NCAM2: variants seen among roughly 807,000 people sequenced by gnomAD.
NCAM2 encodes N-CAM-2.
A neutral mutation model predicts 98.1 loss-of-function variants in NCAM2; 30 were observed. The ratio of observed to expected loss-of-function variants is 0.31; its 90% CI spans 0.23 to 0.41. The LOEUF (loss-of-function observed/expected upper bound fraction) is 0.41, where lower values mean the gene tolerates loss of function less well. Ranked by LOEUF, NCAM2 falls within the 10% of genes least tolerant of loss-of-function variation. The pLI, the probability that NCAM2 is intolerant of heterozygous loss-of-function variation, is 1.00. For missense variants in NCAM2, 867 were observed against 1,005.8 expected, an observed-to-expected ratio of 0.86 and a Z score of 1.87; for synonymous variants, 368 against 342.4, an observed-to-expected ratio of 1.07 and a Z score of -0.83.
chr21:21,156,148 T>A (rs2067604254), intron 1 of NCAM2, among the ~76,000 whole-genome samples: 2 of 152,024 alleles, frequency 1.3e-5, no homozygotes, highest in African/African-American at 4.8e-5. Context: ...TACAAGAATG[T>A]CAAAATAAAA....
intron 8 of NCAM2, among the ~76,000 whole-genome samples, chr21:21,350,335 G>A (rs2147935919): frequency 6.6e-6 from 1 of 152,200 alleles, no homozygotes; most frequent in East Asian, 1.9e-4. Context: ...ATGGGTTAAA[G>A]TTTTAATAAC....
At chr21:21,331,517 C>CTCTCTCTATATATATATATA (rs1483062198) in intron 6 of NCAM2, among the ~76,000 whole-genome samples, 1 of 6,938 alleles carries the variant, frequency 1.4e-4, no homozygotes, top group African/African-American at 5.5e-4. Flanking sequence ...CTCTCTCTCT[C>CTCTCTCTATATATATATATA]TATATATATA....
intron 8 of NCAM2, among the ~76,000 whole-genome samples, chr21:21,361,484 C>T (rs530688564): frequency 5.9e-5 from 9 of 152,102 alleles, no homozygotes; most frequent in African/African-American, 1.9e-4. Flanking sequence ...ATGCTGTTCA[C>T]TTCCTCAATC....
At chr21:21,244,069 A>G (rs1170679820) in intron 1 of NCAM2, among the ~76,000 whole-genome samples, 2 of 152,176 alleles carry the variant, frequency 1.3e-5, no homozygotes, top group Non-Finnish European at 2.9e-5. Flanking sequence ...GGTGATATCC[A>G]TTGGTCCAGT....
rs555452930 is a variant in NCAM2 at position 21,167,035 on chromosome 21, A to G, written c.56-113543A>G. 9.2e-5 allele frequency among the ~76,000 whole-genome samples: 14 copies of G among 152,262 alleles called. No individual in the cohort carries two copies. The South Asian group carries it at 2.1e-3, about 23-fold the overall frequency. ...TATTGCTTTATCTCCAAATTATGCT[A>G]TTAGTTTTGTTGTTTTATGTCCCTT... On this transcript the variant is annotated intron_variant, in intron 1 of 17. Coordinates refer to ENST00000400546, the MANE Select transcript of NCAM2 (RefSeq NM_004540.5).
intron 1 of NCAM2, among the ~76,000 whole-genome samples, chr21:21,238,529 T>A (rs891404124): frequency 6.9e-6 from 1 of 144,956 alleles, no homozygotes; most frequent in Admixed American, 7.2e-5. Context: ...CGTGAAATCA[T>A]AAAGATGTTC....
Position 21,357,616 on chromosome 21 carries a change from G to T in NCAM2, c.1045-16247G>T, listed in dbSNP as rs193017697. Among the ~76,000 whole-genome samples, 41 of 152,208 alleles carry T rather than the reference G, an allele frequency of 2.7e-4. No homozygotes were observed. The East Asian group carries it at 4.5e-3, about 17-fold the overall frequency. On this transcript the variant is annotated intron_variant, in intron 8 of 17. Transcript: ENST00000400546. ...TGTCTTTAAGATTGAAAGACAGTAT[G>T]TAAGTCTTTTTTTTATACATCCTTG...
intron 8 of NCAM2, among the ~76,000 whole-genome samples, chr21:21,360,809 G>A (rs561486466): frequency 6.6e-6 from 1 of 152,028 alleles, no homozygotes; most frequent in African/African-American, 2.4e-5. Flanking sequence ...GTAATTTTAA[G>A]TGGTCTGTAT....
At chr21:21,088,928 G>A (rs907619273) in intron 1 of NCAM2, among the ~76,000 whole-genome samples, 2 of 151,180 alleles carry the variant, frequency 1.3e-5, no homozygotes, top group Admixed American at 6.6e-5. Context: ...GCTAGATTGC[G>A]CCACTGCACT....
At chr21:21,017,441 A>AG (rs1568931014) in intron 1 of NCAM2, among the ~76,000 whole-genome samples, 1 of 150,442 alleles carries the variant, frequency 6.6e-6, no homozygotes, top group Non-Finnish European at 1.5e-5. Context: ...AAAAAAAAAA[A>AG]AAAAAAAGAA....
At chr21:21,516,633 A>G (rs927104071) in intron 16 of NCAM2, among the ~76,000 whole-genome samples, 2 of 151,784 alleles carry the variant, frequency 1.3e-5, no homozygotes, top group South Asian at 2.1e-4. Context: ...GGCTCTTTCT[A>G]TTGAGAAAAT....
chr21:21,017,541 C>T (rs1026792376), intron 1 of NCAM2, among the ~76,000 whole-genome samples: 17 of 150,608 alleles, frequency 1.1e-4, no homozygotes, highest in African/African-American at 4.2e-4. Context: ...AGTTATATAT[C>T]GAAGCACGGG....
At chr21:21,292,707 C>A (rs2073340839) in intron 5 of NCAM2, among the ~76,000 whole-genome samples, 1 of 151,854 alleles carries the variant, frequency 6.6e-6, no homozygotes, top group African/African-American at 2.4e-5. Flanking sequence ...ATCTCTTCCT[C>A]CAAAGTTGCT....
At chr21:21,076,666 G>C (rs962989514) in intron 1 of NCAM2, among the ~76,000 whole-genome samples, 4 of 152,060 alleles carry the variant, frequency 2.6e-5, no homozygotes, top group African/African-American at 9.7e-5. Context: ...TATAAGTCAC[G>C]AAGTTTAGTT....
intron 1 of NCAM2, among the ~76,000 whole-genome samples, chr21:21,021,774 A>G (rs1601115425): frequency 6.6e-6 from 1 of 152,216 alleles, no homozygotes; most frequent in East Asian, 1.9e-4. Context: ...AACGACTAGT[A>G]CAAAGATTAG....
intron 1 of NCAM2, among the ~76,000 whole-genome samples, chr21:21,100,563 T>A (rs1412667558): frequency 6.6e-6 from 1 of 152,002 alleles, no homozygotes; most frequent in African/African-American, 2.4e-5. Context: ...TACCTATATT[T>A]CCCTATGTTA....
intron 1 of NCAM2, among the ~76,000 whole-genome samples, chr21:21,174,157 T>A (rs1338827784): frequency 3.3e-5 from 5 of 152,106 alleles, no homozygotes; most frequent in African/African-American, 4.8e-5. Flanking sequence ...TAACCTCAGA[T>A]CGTGATCTGC....
chr21:21,419,559 G>A (rs2077068738), intron 11 of NCAM2, among the ~76,000 whole-genome samples: 1 of 127,722 alleles, frequency 7.8e-6, no homozygotes, highest in South Asian at 2.5e-4. Context: ...CCCTTCCTGT[G>A]TCCATGTGTT....
intron 1 of NCAM2, among the ~76,000 whole-genome samples, chr21:21,198,522 G>A (rs1348577832): frequency 6.6e-6 from 1 of 152,132 alleles, no homozygotes; most frequent in Non-Finnish European, 1.5e-5. Context: ...ATGGAAACCT[G>A]CTAGTTCACT....
Sources: allele counts gnomAD v4.1 joint callset (sites outside exome capture counted in the v4.1 genomes callset), GRCh38; gene constraint gnomAD v4.1.1; transcripts MANE v1.5; gene names NCBI Gene and HGNC (gene_info 2026-07-23, HGNC 2026-07-21).